The following SCHIP1 variants were observed in gnomAD, a reference collection of about 807,000 sequenced individuals.
SCHIP1 encodes schwannomin interacting protein 1.
In SCHIP1, 8 loss-of-function variants were observed where a neutral mutation model predicts 29.7. The observed-to-expected ratio is 0.27, with a 90% confidence interval of 0.16 to 0.49. The LOEUF is 0.49. SCHIP1 is among the 20% of genes least tolerant of loss of function. SCHIP1 has a pLI of 0.99. For synonymous variants in SCHIP1, 76 were observed against 94.9 expected (o/e 0.80, Z 1.16); for missense variants, 193 against 294.6 (o/e 0.66, Z 2.52).
chr3:159,478,757 G>A, the SCHIP1 span, among the ~76,000 whole-genome samples: 1,204 of 152,126 alleles, frequency 7.9e-3, 13 homozygotes, highest in Non-Finnish European at 0.012. Flanking sequence ...TCTTTCATCA[G>A]CATATTACAG....
chr3:159,754,701 G>C, the SCHIP1 span, among the ~76,000 whole-genome samples: 2 of 152,206 alleles, frequency 1.3e-5, no homozygotes, highest in Middle Eastern at 6.8e-3. Context: ...AATTATGCCA[G>C]GACAACAAGT....
chr3:159,319,296 G>A, the SCHIP1 span, among the ~76,000 whole-genome samples: 10 of 152,100 alleles, frequency 6.6e-5, 1 homozygote, highest in Admixed American at 5.9e-4. Flanking sequence ...TGGAGAAAAG[G>A]GTTCATTTTC....
the SCHIP1 span, among the ~76,000 whole-genome samples, chr3:159,699,711 T>A: frequency 4.6e-5 from 7 of 152,196 alleles, no homozygotes; most frequent in Admixed American, 4.6e-4. Context: ...CAAGTCTTCA[T>A]CACTAAGATG....
At chr3:159,387,492 C>T in the SCHIP1 span, 9 of 166,208 alleles carry the variant, frequency 5.4e-5, no homozygotes, top group Non-Finnish European at 9.2e-5. Flanking sequence ...GTTATTTGCC[C>T]TTTGGTGTTC....
At chr3:159,504,259 T>A in the SCHIP1 span, among the ~76,000 whole-genome samples, 138 of 152,294 alleles carry the variant, frequency 9.1e-4, no homozygotes, top group African/African-American at 3.1e-3. Flanking sequence ...ATTATAAGTG[T>A]CGTGAAGAAA....
At chr3:159,582,476 G>T in the SCHIP1 span, among the ~76,000 whole-genome samples, 2 of 152,076 alleles carry the variant, frequency 1.3e-5, no homozygotes, top group African/African-American at 4.8e-5. Flanking sequence ...TGAAGGCTCG[G>T]ATGATTGTTA....
chr3:159,434,453 G>A, the SCHIP1 span, among the ~76,000 whole-genome samples: 1 of 152,094 alleles, frequency 6.6e-6, no homozygotes, highest in Non-Finnish European at 1.5e-5. Flanking sequence ...GGTGTTAGAT[G>A]GTTCTGAAGA....
chr3:159,608,653 G>A, the SCHIP1 span, among the ~76,000 whole-genome samples: 1 of 152,160 alleles, frequency 6.6e-6, no homozygotes, highest in Non-Finnish European at 1.5e-5. Flanking sequence ...GGGATATAAT[G>A]GAAGTAGCTC....
chr3:159,543,066 C>G, the SCHIP1 span, among the ~76,000 whole-genome samples: 1 of 149,896 alleles, frequency 6.7e-6, no homozygotes, highest in East Asian at 2.0e-4. Context: ...TATGTACACA[C>G]ACATATATAT....
intron 2 of SCHIP1, among the ~76,000 whole-genome samples, chr3:159,882,550 C>T (rs374444047): frequency 6.6e-6 from 1 of 152,210 alleles, no homozygotes; most frequent in African/African-American, 2.4e-5. Context: ...AGGCCCAATT[C>T]ATAATGACCA....
chr3:159,372,741 G>GTAAT, the SCHIP1 span, among the ~76,000 whole-genome samples: 3 of 152,058 alleles, frequency 2.0e-5, no homozygotes, highest in Admixed American at 1.3e-4. Flanking sequence ...AATCAAAAGA[G>GTAAT]TAATAATATT....
At chr3:159,800,259 C>A in the SCHIP1 span, among the ~76,000 whole-genome samples, 3 of 152,102 alleles carry the variant, frequency 2.0e-5, no homozygotes, top group East Asian at 5.8e-4. Context: ...CTGAACCCAC[C>A]TTTAGAAGGA....
At chr3:159,850,297 T>A (rs1370406180) in intron 1 of SCHIP1, among the ~76,000 whole-genome samples, 1 of 152,136 alleles carries the variant, frequency 6.6e-6, no homozygotes, top group African/African-American at 2.4e-5. Flanking sequence ...CTTACACCTG[T>A]AATCCCAGCA....
chr3:159,319,611 A>G, the SCHIP1 span, among the ~76,000 whole-genome samples: 1 of 152,224 alleles, frequency 6.6e-6, no homozygotes, highest in Non-Finnish European at 1.5e-5. Flanking sequence ...AATGTCAATG[A>G]GAGAAACATT....
chr3:159,285,688 A>G, the SCHIP1 span, among the ~76,000 whole-genome samples: 1 of 152,186 alleles, frequency 6.6e-6, no homozygotes, highest in Admixed American at 6.5e-5. Context: ...AGTTAATTAC[A>G]GATGTGTAAT....
Position 159,861,923 on chromosome 3 carries a change from A to G in SCHIP1, c.31-4240A>G, listed in dbSNP as rs976037248. Among the ~76,000 whole-genome samples, 11 of 152,142 alleles carry G rather than the reference A, an allele frequency of 7.2e-5. No individual in the cohort carries two copies. Among genetic ancestry groups the G allele is most frequent in the Middle Eastern group, 3.2e-3 (1 of 314 alleles). Reference sequence around the variant, plus strand: ...TGGATTAAGGGGGCTGGTGGAAGACATATTTGCCTTGCAGGTATAATTCCT... The same window carrying G: ...TGGATTAAGGGGGCTGGTGGAAGACGTATTTGCCTTGCAGGTATAATTCCT... On this transcript the variant is annotated intron_variant, in intron 1 of 6. Coordinates refer to ENST00000445224, the Ensembl canonical transcript of SCHIP1. This position sits in a 1 kb window ranked among gnomAD's most constrained non-coding sequence, Gnocchi z 4.1.
At chr3:159,770,795 C>T in the SCHIP1 span, among the ~76,000 whole-genome samples, 1 of 152,166 alleles carries the variant, frequency 6.6e-6, no homozygotes, top group Non-Finnish European at 1.5e-5. Flanking sequence ...GGTGGCTGCT[C>T]CCTCCCTCTT....
the SCHIP1 span, among the ~76,000 whole-genome samples, chr3:159,488,364 G>A: frequency 6.6e-6 from 1 of 152,154 alleles, no homozygotes; most frequent in Non-Finnish European, 1.5e-5. Flanking sequence ...AAGGATAAAT[G>A]CTTGAGGTAA....
At chr3:159,428,997 G>A in the SCHIP1 span, among the ~76,000 whole-genome samples, 12 of 145,796 alleles carry the variant, frequency 8.2e-5, no homozygotes, top group African/African-American at 3.0e-4. Context: ...ATTGAACAAT[G>A]AGAACACATG....
Sources: allele counts gnomAD v4.1 joint callset (sites outside exome capture counted in the v4.1 genomes callset), GRCh38; gene constraint gnomAD v4.1.1; non-coding constraint Gnocchi (gnomAD v3.1); transcripts MANE v1.5; gene names NCBI Gene and HGNC (gene_info 2026-07-23, HGNC 2026-07-21).